The following SH3GL3 variants were observed in gnomAD, a reference collection of about 807,000 sequenced individuals.
The protein encoded by SH3GL3 is SH3 domain containing GRB2 like 3, endophilin A3.
Under a neutral mutation model 47.7 loss-of-function variants are expected in SH3GL3, and 33 were observed. The ratio of observed to expected loss-of-function variants is 0.69; its 90% CI spans 0.52 to 0.92. SH3GL3 has a LOEUF of 0.92. Among genes scored for constraint, SH3GL3 ranks in the 40% least tolerant of loss-of-function variants. The pLI, the probability that SH3GL3 is intolerant of heterozygous loss-of-function variation, is 0.00. For synonymous variants in SH3GL3, 155 were observed against 148.8 expected (o/e 1.04, Z -0.30); for missense variants, 363 against 417.8 (o/e 0.87, Z 1.14).
chr15:83,568,468 T>G (rs947450576), intron 3 of SH3GL3, 61 bp from the exon 4 acceptor site: 16 of 1,435,482 alleles, frequency 1.1e-5, no homozygotes, highest in Middle Eastern at 3.6e-4. Context: ...TTTATTAAAT[T>G]CTATGTACCT....
intron 1 of SH3GL3, among the ~76,000 whole-genome samples, chr15:83,553,453 A>G (rs1013962864): frequency 6.6e-6 from 1 of 152,130 alleles, no homozygotes; most frequent in Non-Finnish European, 1.5e-5. Context: ...TAGACTTATT[A>G]CTATCTGATT....
intron 6 of SH3GL3, among the ~76,000 whole-genome samples, chr15:83,583,389 T>C (rs1313530717): frequency 6.6e-6 from 1 of 152,192 alleles, no homozygotes; most frequent in Non-Finnish European, 1.5e-5. Flanking sequence ...CATAGTCCTC[T>C]TGCAGAGTTG....
At chr15:83,529,622 T>C (rs2043578691) in intron 1 of SH3GL3, among the ~76,000 whole-genome samples, 1 of 147,986 alleles carries the variant, frequency 6.8e-6, no homozygotes, top group Admixed American at 6.9e-5. Context: ...TATGCACGAG[T>C]GCAGGCTGTG....
At chr15:83,477,291 T>C (rs1384083315) in intron 1 of SH3GL3, among the ~76,000 whole-genome samples, 3 of 152,196 alleles carry the variant, frequency 2.0e-5, no homozygotes, top group African/African-American at 7.2e-5. Context: ...ATTTCTATCA[T>C]CTTTTCTTTC....
In SH3GL3 at chr15:83,479,946, G is replaced by A. The variant is rs192409504; in HGVS notation, c.45+32368G>A. ...TGAACTGATATGTGTAAGGCACTTG[G>A]TAGAATGCTTGCCATGTCGTAATTG... On this transcript the variant is annotated intron_variant, in intron 1 of 8. Transcript: ENST00000427482. Among the ~76,000 whole-genome samples the A allele has an allele frequency of 5.9e-5, 9 of 152,298 alleles. No individual in the cohort carries two copies. The East Asian group carries it at 1.7e-3, about 29-fold the overall frequency.
intron 6 of SH3GL3, among the ~76,000 whole-genome samples, chr15:83,577,639 G>C (rs560000651): frequency 6.6e-6 from 1 of 151,982 alleles, no homozygotes; most frequent in South Asian, 2.1e-4. Context: ...CCACCTACCC[G>C]ACTCAGCCTC....
At chr15:83,561,289 A>C (rs556977920) in intron 2 of SH3GL3, among the ~76,000 whole-genome samples, 1 of 152,302 alleles carries the variant, frequency 6.6e-6, no homozygotes, top group South Asian at 2.1e-4. Context: ...CATAAGAATT[A>C]TAAGGGAAAG....
At chr15:83,511,338 T>A (rs1329445188) in intron 1 of SH3GL3, among the ~76,000 whole-genome samples, 1 of 152,126 alleles carries the variant, frequency 6.6e-6, no homozygotes, top group African/African-American at 2.4e-5. Flanking sequence ...ACCCTCCAGC[T>A]CCAGATGTAA....
At chr15:83,527,446 C>T (rs899782291) in intron 1 of SH3GL3, among the ~76,000 whole-genome samples, 21 of 152,000 alleles carry the variant, frequency 1.4e-4, no homozygotes, top group African/African-American at 5.1e-4. Flanking sequence ...CTTTATTGAT[C>T]CCCTTATCAT....
intron 1 of SH3GL3, among the ~76,000 whole-genome samples, chr15:83,511,956 G>A (rs1303202562): frequency 6.6e-6 from 1 of 151,552 alleles, no homozygotes; most frequent in Non-Finnish European, 1.5e-5. Context: ...CCTAAAAGGA[G>A]CCAGGCCTTG....
At chr15:83,473,359 C>G (rs1285740674) in intron 1 of SH3GL3, among the ~76,000 whole-genome samples, 1 of 151,804 alleles carries the variant, frequency 6.6e-6, no homozygotes, top group Non-Finnish European at 1.5e-5. Flanking sequence ...AGTCTAGGCC[C>G]CCATTCATCC....
the SH3GL3 span, among the ~76,000 whole-genome samples, chr15:83,625,966 G>A: frequency 1.3e-5 from 2 of 152,016 alleles, no homozygotes; most frequent in African/African-American, 2.4e-5. Context: ...CCGAGTAGCC[G>A]GGATTACAGG....
intron 1 of SH3GL3, among the ~76,000 whole-genome samples, chr15:83,548,630 G>T (rs994820950): frequency 6.6e-6 from 1 of 152,026 alleles, no homozygotes; most frequent in African/African-American, 2.4e-5. Flanking sequence ...TGATTTCATT[G>T]TTTTGTAGCT....
intron 8 of SH3GL3, among the ~76,000 whole-genome samples, chr15:83,606,601 C>T (rs1038059208): frequency 6.6e-6 from 1 of 152,124 alleles, no homozygotes; most frequent in Non-Finnish European, 1.5e-5. Flanking sequence ...GCCTTCCCCC[C>T]AGATCCATTT....
chr15:83,581,346 A>G (rs553175897), intron 6 of SH3GL3, among the ~76,000 whole-genome samples: 114 of 152,314 alleles, frequency 7.5e-4, no homozygotes, highest in Admixed American at 1.4e-3. Context: ...AGGGAGCCAC[A>G]TGAGATCACA....
At chr15:83,521,514 C>T (rs997745467) in intron 1 of SH3GL3, among the ~76,000 whole-genome samples, 10 of 152,126 alleles carry the variant, frequency 6.6e-5, no homozygotes, top group Admixed American at 5.2e-4. Flanking sequence ...CTGCTTTACC[C>T]GCTGCTGGAA....
At position 83,607,694 on chromosome 15, in the gene SH3GL3, T is replaced by C. The variant is rs74486871; in HGVS notation, c.839-10388T>C. Among the ~76,000 whole-genome samples, 225 of 152,232 alleles carry C rather than the reference T, an allele frequency of 1.5e-3. 7 individuals carry two copies. In the East Asian group the frequency reaches 0.04, roughly 27 times the overall value. ...TATGTGACATCTCCTGACTTTTAGATGTTGGCAACTAATCCACATTGTAAA... is the reference window on the plus strand; with the variant it reads ...TATGTGACATCTCCTGACTTTTAGACGTTGGCAACTAATCCACATTGTAAA... On this transcript the variant is annotated intron_variant, in intron 8 of 8. Coordinates refer to ENST00000427482, the MANE Select transcript of SH3GL3 (RefSeq NM_003027.5).
At chr15:83,561,200 G>A (rs2045252316) in intron 2 of SH3GL3, among the ~76,000 whole-genome samples, 1 of 151,800 alleles carries the variant, frequency 6.6e-6, no homozygotes, top group Admixed American at 6.6e-5. Context: ...AAATTCCTTT[G>A]GAACAAATAT....
intron 1 of SH3GL3, among the ~76,000 whole-genome samples, chr15:83,508,141 C>G (rs563870274): frequency 2.0e-5 from 3 of 151,992 alleles, no homozygotes; most frequent in Non-Finnish European, 4.4e-5. Flanking sequence ...GGGGTTTCAC[C>G]ATGTTGGCTA....
Sources: allele counts gnomAD v4.1 joint callset (sites outside exome capture counted in the v4.1 genomes callset), GRCh38; gene constraint gnomAD v4.1.1; transcripts MANE v1.5; gene names NCBI Gene and HGNC (gene_info 2026-07-23, HGNC 2026-07-21).